Variants in RECK observed in about 807,000 individuals in gnomAD.
RECK encodes reversion inducing cysteine rich protein with kazal motifs, also known as reversion-inducing cysteine-rich protein with Kazal motifs.
A neutral mutation model predicts 115.1 loss-of-function variants in RECK; 69 were observed. The observed-to-expected ratio is 0.60, with a 90% confidence interval of 0.49 to 0.73. RECK has a LOEUF of 0.73. RECK is among the 30% of genes least tolerant of loss of function. The probability of loss-of-function intolerance (pLI) is 0.00; values close to 1 mark genes in which losing one functional copy is unlikely to be tolerated. For synonymous variants in RECK, 414 were observed against 419.7 expected (o/e 0.99, Z 0.17); for missense variants, 1,047 against 1,203.7 (o/e 0.87, Z 1.93).
intron 1 of RECK, among the ~76,000 whole-genome samples, chr9:36,043,338 G>A (rs905809713): frequency 6.6e-6 from 1 of 150,508 alleles, no homozygotes; most frequent in Non-Finnish European, 1.5e-5. Flanking sequence ...CACCGAGTCC[G>A]GCTCCTTAGC....
chr9:36,087,972 C>G lies in RECK; in HGVS notation c.905+11C>G. 6.3e-7 allele frequency: 1 copy of G among 1,594,394 alleles called. No individual in the cohort carries two copies. ...CACTTCAACATGTAGGTTAGTATTT[C>G]ATTTTCCTTTACCAAAATCAGTAGA... On this transcript the variant is annotated intron_variant, in intron 9 of 20. Transcript: ENST00000377966.
intron 10 of RECK, among the ~76,000 whole-genome samples, chr9:36,093,256 T>C (rs993526259): frequency 3.9e-5 from 6 of 152,084 alleles, no homozygotes; most frequent in Non-Finnish European, 8.8e-5. Flanking sequence ...AACAAAATCC[T>C]AAATCCCACA....
chr9:36,093,988 A>T (rs1271785914), intron 10 of RECK, among the ~76,000 whole-genome samples: 1 of 152,116 alleles, frequency 6.6e-6, no homozygotes, highest in Non-Finnish European at 1.5e-5. Context: ...CAGAGAAAAA[A>T]AAATCTTATA....
At chr9:36,058,485 C>G (rs935450947) in intron 2 of RECK, among the ~76,000 whole-genome samples, 1 of 114,560 alleles carries the variant, frequency 8.7e-6, no homozygotes, top group Non-Finnish European at 1.7e-5. Context: ...GGGAACATCA[C>G]ACTCTGGGGA....
chr9:36,121,634 A>C lies in RECK; in HGVS notation c.2640A>C (p.Glu880Asp), dbSNP rs1564140798. 6.2e-7 allele frequency: 1 copy of C among 1,614,184 alleles called. No individual in the cohort carries two copies. Among genetic ancestry groups the C allele is most frequent in the South Asian group, 1.1e-5 (1 of 91,068 alleles). The change falls in exon 20 of 21, where the codon GAA becomes GAC. Residue 880 changes from glutamate (E) to aspartate (D), a missense_variant. Physicochemically the swap from Glu to Asp is conservative, Grantham distance 45 (BLOSUM62 2). Coordinates refer to ENST00000377966, the MANE Select transcript of RECK (RefSeq NM_021111.3). ...ATGTGTTTGGATACTTCAGCATTGAATCAGAAATTGTGATCCTGATCATTC... is the reference window on the plus strand; with the variant it reads ...ATGTGTTTGGATACTTCAGCATTGACTCAGAAATTGTGATCCTGATCATTC... Reference protein sequence around the residue: ...QCDVFGYFSIESEIVILIIPV... With the variant: ...QCDVFGYFSIDSEIVILIIPV...
intron 9 of RECK, among the ~76,000 whole-genome samples, chr9:36,090,279 C>A (rs1033004064): frequency 6.6e-6 from 1 of 152,166 alleles, no homozygotes; most frequent in African/African-American, 2.4e-5. Context: ...TCACTGATAG[C>A]AGGGACCTTG....
chr9:36,121,080 C>T (rs1380076887), intron 19 of RECK, among the ~76,000 whole-genome samples: 1 of 152,206 alleles, frequency 6.6e-6, no homozygotes, highest in African/African-American at 2.4e-5. Context: ...TTTGAGGTCG[C>T]CTCCCCTCAC....
intron 4 of RECK, among the ~76,000 whole-genome samples, chr9:36,060,559 G>T (rs1414959165): frequency 6.6e-6 from 1 of 151,982 alleles, no homozygotes; most frequent in Admixed American, 6.6e-5. Flanking sequence ...CTCTTTCTCA[G>T]TACTACTCTC....
intron 13 of RECK, among the ~76,000 whole-genome samples, chr9:36,106,123 T>G (rs1315650294): frequency 7.3e-6 from 1 of 136,170 alleles, no homozygotes. Flanking sequence ...GGCAGGAGAA[T>G]GGCGTGAACC....
chr9:36,050,990 TTCTC>T (rs758592394), intron 1 of RECK, among the ~76,000 whole-genome samples: 62 of 152,144 alleles, frequency 4.1e-4, no homozygotes, highest in Non-Finnish European at 7.7e-4. Context: ...CACATTCGTA[TTCTC>T]TCTCTCTGTC....
chr9:36,090,030 C>G (rs1588316223), intron 9 of RECK, among the ~76,000 whole-genome samples: 1 of 151,410 alleles, frequency 6.6e-6, no homozygotes, highest in East Asian at 1.9e-4. Context: ...GTGGCAGATG[C>G]CTATAATCTC....
chr9:36,118,927 T>C lies in RECK; in HGVS notation c.2424T>C (p.Pro808=), dbSNP rs1018798695. 3 of 1,613,090 alleles carry C rather than the reference T, an allele frequency of 1.9e-6. No individual in the cohort carries two copies. The highest frequency in any genetic ancestry group is 1.3e-5 in the African/African-American group (1 of 74,888). ...SVAECASVKC[P]SLLAAGCKPI... is the part of the protein sequence containing the mutation. ...CCGAGTGTGCTTCTGTCAAGTGTCC[T>C]TCGCTCTTGGCAGCTGGATGCAAAC... is the stretch of plus-strand genomic sequence containing the variant. Residue 808 remains proline, a synonymous_variant, in exon 18 of 21, where the codon CCT becomes CCC. Transcript: ENST00000377966.
At position 36,076,088 on chromosome 9, in the gene RECK, C is replaced by G. The variant is rs111422447; in HGVS notation, c.406-4517C>G. Among the ~76,000 whole-genome samples, 98 of 152,218 alleles carry G rather than the reference C, an allele frequency of 6.4e-4. 1 individual carries two copies. Among genetic ancestry groups the G allele is most frequent in the African/African-American group, 2.2e-3 (90 of 41,540 alleles). On this transcript the variant is annotated intron_variant, in intron 6 of 20. Coordinates refer to ENST00000377966, the MANE Select transcript of RECK (RefSeq NM_021111.3). The stretch of plus-strand genomic sequence containing the variant: ...CCAAAAGCCAAATCAAATTGGACAG[C>G]CAGATATACGTAGCAAGCAAAGGGC...
intron 13 of RECK, among the ~76,000 whole-genome samples, 160 bp downstream of exon 13, chr9:36,105,443 A>G (rs981968006): frequency 6.6e-6 from 1 of 152,190 alleles, no homozygotes; most frequent in African/African-American, 2.4e-5. Flanking sequence ...ATGTTTTTCT[A>G]TAATGTTTTG....
Position 36,117,158 on chromosome 9 carries a change from C to G in RECK, c.2234C>G (p.Ser745Cys). ...CTLYQRGKSL[S>C]YKGPCQPFCR... Reference sequence around the variant, plus strand: ...TTATACCAAAGAGGAAAAAGCCTCTCTTACAAAGGTCCCTGCCAGGTACAG... The same window carrying G: ...TTATACCAAAGAGGAAAAAGCCTCTGTTACAAAGGTCCCTGCCAGGTACAG... The change falls in exon 17 of 21, where the codon TCT (serine) becomes TGT (cysteine). Residue 745 changes from serine (S) to cysteine (C), a missense_variant. Coordinates refer to ENST00000377966, the MANE Select transcript of RECK (RefSeq NM_021111.3). The G allele has an allele frequency of 6.2e-7, 1 of 1,612,106 alleles. No individual in the cohort carries two copies. The highest frequency in any genetic ancestry group is 1.3e-5 in the African/African-American group (1 of 74,958).
chr9:36,058,110 C>G (rs1344972030), intron 2 of RECK, among the ~76,000 whole-genome samples: 1 of 150,512 alleles, frequency 6.6e-6, no homozygotes, highest in Non-Finnish European at 1.5e-5. Flanking sequence ...CCTCAGGGAT[C>G]TAGAACTAGA....
chr9:36,065,746 T>G (rs1319214525), intron 6 of RECK, 122 bp downstream of exon 6: 1 of 761,724 alleles, frequency 1.3e-6, no homozygotes, highest in African/African-American at 1.8e-5. Context: ...TACAGAAAAT[T>G]TTGCATTGAC....
rs1823262279 is a variant in RECK at position 36,094,402 on chromosome 9, C to T, written c.1085+3059C>T. On this transcript the variant is annotated intron_variant, in intron 10 of 20. Transcript: ENST00000377966. The surrounding 1 kb of genome is among the most constrained non-coding windows in gnomAD (Gnocchi z 4.1). ...TTGTATAGTATTAATTCAAGGAAAACTATAATAAATAATGGACATATATTA... is the reference window on the plus strand; with the variant it reads ...TTGTATAGTATTAATTCAAGGAAAATTATAATAAATAATGGACATATATTA... 6.6e-6 allele frequency among the ~76,000 whole-genome samples: 1 copy of T among 151,978 alleles called. No homozygotes were observed. Among genetic ancestry groups the T allele is most frequent in the Non-Finnish European group, 1.5e-5 (1 of 67,970 alleles).
chr9:36,117,080 T>TC lies in RECK; in HGVS notation c.2158dup (p.Gln720ProfsTer6). The TC allele has an allele frequency of 6.2e-7, 1 of 1,614,134 alleles. No homozygotes were observed. On this transcript the variant is annotated frameshift_variant, in exon 17 of 21. Coordinates refer to ENST00000377966, the MANE Select transcript of RECK (RefSeq NM_021111.3). LOFTEE classifies it high-confidence loss of function. ...CCAAGACAGCTCGCGTGTGACCAGG[T>TC]CCAAGATCCTGTTTGTGACACAGAC...
Sources: gnomAD v4.1 joint callset for allele counts (sites outside exome capture counted in the v4.1 genomes callset) on GRCh38, gnomAD v4.1.1 for gene constraint, Gnocchi (gnomAD v3.1) non-coding constraint, MANE v1.5 for transcripts, NCBI Gene and HGNC (gene_info 2026-07-23, HGNC 2026-07-21) for gene names.